Variants in LPA observed in about 807,000 individuals in gnomAD.
LPA encodes the protein apolipoprotein(a).
A neutral mutation model predicts 197.9 loss-of-function variants in LPA; 199 were observed. That is an observed-to-expected ratio of 1.01 (90% confidence interval 0.90 to 1.13). The LOEUF (loss-of-function observed/expected upper bound fraction) is 1.13. LPA is among the 50% of genes most tolerant of loss of function. The pLI, the probability that LPA is intolerant of heterozygous loss-of-function variation, is 0.00. For missense variants in LPA, 1,853 were observed against 1,785.8 expected (o/e 1.04, Z -0.68); for synonymous variants, 715 against 639.5 (o/e 1.12, Z -1.78).
intron 17 of LPA, 21 bp from the exon 18 acceptor site, chr6:160,605,226 A>G: frequency 1.4e-5 from 23 of 1,612,190 alleles, no homozygotes; most frequent in Non-Finnish European, 1.9e-5. Context: ...AAGAAAAGAA[A>G]TCAAACTGAG....
intron 30 of LPA, among the ~76,000 whole-genome samples, chr6:160,550,080 G>T (rs1374992556): frequency 6.6e-6 from 1 of 152,168 alleles, no homozygotes; most frequent in Non-Finnish European, 1.5e-5. Flanking sequence ...AATTAGCTGG[G>T]CGCAGTGGCG....
chr6:160,569,081 C>T (rs1308000198), intron 28 of LPA, among the ~76,000 whole-genome samples: 1 of 152,130 alleles, frequency 6.6e-6, no homozygotes, highest in Admixed American at 6.5e-5. Flanking sequence ...AGATTCAATG[C>T]CATCCCCATC....
rs746435099 is a variant in LPA at position 160,595,392 on chromosome 6, AC to A, written c.3430del (p.Val1144TrpfsTer52). Reference sequence around the variant, plus strand: ...AGCCTCTGTGCTTGGATCTGGGACCACCGTGAGAGTTGCAAGGACACTTGAT... The same window carrying A: ...AGCCTCTGTGCTTGGATCTGGGACCACGTGAGAGTTGCAAGGACACTTGAT... ...TESSVLATLT[V>X]VPDPSTEASS... On this transcript the variant is annotated frameshift_variant, in exon 21 of 39. Transcript: ENST00000316300. LOFTEE classifies it high-confidence loss of function. The A allele has an allele frequency of 6.2e-7, 1 of 1,613,608 alleles. No individual in the cohort carries two copies. The highest frequency in any genetic ancestry group is 8.5e-7 in the Non-Finnish European group (1 of 1,179,912).
chr6:160,555,291 G>T (rs867704286), intron 30 of LPA, among the ~76,000 whole-genome samples: 6 of 68,472 alleles, frequency 8.8e-5, no homozygotes, highest in South Asian at 4.5e-4. Context: ...TATATTATAT[G>T]TTAGTGTGTG....
chr6:160,537,303 A>G (rs1777909268), intron 37 of LPA, among the ~76,000 whole-genome samples: 1 of 152,210 alleles, frequency 6.6e-6, no homozygotes, highest in Non-Finnish European at 1.5e-5. Context: ...ACTTGGGGCC[A>G]TGGGAACTGT....
At chr6:160,660,007 G>A (rs1256315453) in intron 1 of LPA, among the ~76,000 whole-genome samples, 2 of 152,242 alleles carry the variant, frequency 1.3e-5, no homozygotes, top group Non-Finnish European at 2.9e-5. Context: ...TATTTATAGA[G>A]GTTTGCAGTG....
At chr6:160,538,365 C>A (rs1243038867) in intron 36 of LPA, among the ~76,000 whole-genome samples, 1 of 152,202 alleles carries the variant, frequency 6.6e-6, no homozygotes, top group Non-Finnish European at 1.5e-5. Context: ...TATAAAATTG[C>A]AAATGCCTTG....
chr6:160,654,027 A>ATT (rs1562354831), intron 1 of LPA, among the ~76,000 whole-genome samples: 223 of 6,556 alleles, frequency 0.034, 32 homozygotes, highest in African/African-American at 0.15. Context: ...TATAATATAT[A>ATT]ATATATATTA....
Position 160,557,569 on chromosome 6 carries a change from C to A in LPA, c.4634G>T (p.Gly1545Val), listed in dbSNP as rs757041326. 1.2e-6 allele frequency: 2 copies of A among 1,613,964 alleles called. No homozygotes were observed. The highest frequency in any genetic ancestry group is 2.2e-5 in the South Asian group (2 of 91,068). ...ATTCCTGCAGTAGTTCTCGGTCAGG[C>A]CACTGCAAATTCCAAAACAACACAG... ...QRTPENYPNA[G>V]LTENYCRNPD... The change falls in exon 29 of 39, where the codon GGC becomes GTC. Residue 1545 changes from glycine (G) to valine (V), a missense_variant and splice_region_variant. Coordinates refer to ENST00000316300, the MANE Select transcript of LPA (RefSeq NM_005577.4).
Position 160,540,187 on chromosome 6 carries a change from G to A in LPA, c.5595-4C>T. ...GTAGGATGAAGGCCTTGAGGACCTAGAAAAGATGAGGATGTCAAGAGAAAA... is the reference window on the plus strand; with the variant it reads ...GTAGGATGAAGGCCTTGAGGACCTAAAAAAGATGAGGATGTCAAGAGAAAA... On this transcript the variant is annotated splice_region_variant and splice_polypyrimidine_tract_variant and intron_variant, in intron 35 of 38. Coordinates refer to ENST00000316300, the MANE Select transcript of LPA (RefSeq NM_005577.4). The A allele has an allele frequency of 6.2e-7, 1 of 1,614,170 alleles. No individual in the cohort carries two copies. The highest frequency in any genetic ancestry group is 8.5e-7 in the Non-Finnish European group (1 of 1,180,032).
intron 24 of LPA, 95 bp downstream of exon 24, chr6:160,589,458 A>G (rs761733258): frequency 2.1e-5 from 30 of 1,436,010 alleles, no homozygotes; most frequent in Non-Finnish European, 2.7e-5. Flanking sequence ...GGTCTGAGAG[A>G]AATTGGGTCA....
At chr6:160,659,513 G>A (rs531638031) in intron 1 of LPA, among the ~76,000 whole-genome samples, 1 of 152,346 alleles carries the variant, frequency 6.6e-6, no homozygotes, top group African/African-American at 2.4e-5. Context: ...AGTAGCAGGT[G>A]AAAGCTCACA....
At chr6:160,647,672 C>T (rs950979919) in intron 2 of LPA, among the ~76,000 whole-genome samples, 2 of 152,168 alleles carry the variant, frequency 1.3e-5, no homozygotes, top group African/African-American at 2.4e-5. Context: ...TGAACCCACA[C>T]ATTAACCTTT....
chr6:160,593,114 C>A (rs373200417), intron 22 of LPA, among the ~76,000 whole-genome samples: 1 of 152,146 alleles, frequency 6.6e-6, no homozygotes, highest in South Asian at 2.1e-4. Context: ...GCCTAGAATA[C>A]GTCAGATGCC....
chr6:160,543,952 G>A (rs1450011304), intron 33 of LPA, among the ~76,000 whole-genome samples: 1 of 152,156 alleles, frequency 6.6e-6, no homozygotes, highest in Admixed American at 6.5e-5. Flanking sequence ...CACCAGGCTT[G>A]GGGTTAACCT....
intron 18 of LPA, among the ~76,000 whole-genome samples, chr6:160,604,775 G>C (rs1779311590): frequency 6.6e-6 from 1 of 152,142 alleles, no homozygotes; most frequent in Non-Finnish European, 1.5e-5. Context: ...TACTCTAAGA[G>C]TTTCATCATT....
chr6:160,558,166 A>G lies in LPA; in HGVS notation c.4632-595T>C, dbSNP rs1450183538. Among the ~76,000 whole-genome samples the G allele has an allele frequency of 7.9e-5, 12 of 151,804 alleles. No homozygotes were observed. The South Asian group carries it at 1.5e-3, about 18-fold the overall frequency. On this transcript the variant is annotated intron_variant, in intron 28 of 38. Coordinates refer to ENST00000316300, the MANE Select transcript of LPA (RefSeq NM_005577.4). The stretch of plus-strand genomic sequence containing the variant: ...AATCTCCTGACCTCGTGATCCACCC[A>G]CCTCGGCCTCCCAAAGTGCTGGGAT...
intron 24 of LPA, among the ~76,000 whole-genome samples, chr6:160,587,724 G>A (rs1159605622): frequency 6.6e-6 from 1 of 150,706 alleles, no homozygotes; most frequent in Non-Finnish European, 1.5e-5. Context: ...ATGCCCTTGA[G>A]GCTCTGTTGA....
At chr6:160,584,929 CT>C (rs1243180928) in intron 26 of LPA, 116 bp downstream of exon 26, 2 of 1,058,702 alleles carry the variant, frequency 1.9e-6, no homozygotes, top group Non-Finnish European at 2.9e-6. Context: ...AGACATTTTG[CT>C]ACAAACTCTG....
Sources: gnomAD v4.1 joint callset for allele counts (sites outside exome capture counted in the v4.1 genomes callset) on GRCh38, gnomAD v4.1.1 for gene constraint, MANE v1.5 for transcripts, NCBI Gene and HGNC (gene_info 2026-07-23, HGNC 2026-07-21) for gene names.